The following CERT1 variants were observed in gnomAD, a reference collection of about 807,000 sequenced individuals.
CERT1 encodes the protein ceramide transporter 1.
Under a neutral mutation model 87.9 loss-of-function variants are expected in CERT1, and 31 were observed. That is an observed-to-expected ratio of 0.35 (90% CI 0.27 to 0.48). The LOEUF (loss-of-function observed/expected upper bound fraction) is 0.48, where lower values mean the gene tolerates loss of function less well. Ranked by LOEUF, CERT1 falls within the 20% of genes least tolerant of loss-of-function variation. The pLI is 0.99. For missense variants in CERT1, 487 were observed against 758.0 expected (o/e 0.64, Z 4.20); for synonymous variants, 289 against 250.9 (o/e 1.15, Z -1.44).
intron 3 of CERT1, among the ~76,000 whole-genome samples, chr5:75,451,008 T>G (rs1764747603): frequency 6.6e-6 from 1 of 152,192 alleles, no homozygotes; most frequent in African/African-American, 2.4e-5. Context: ...TTTCAAATAC[T>G]GCAGGCAGGA....
At chr5:75,371,964 G>A (rs1761099504) in intron 17 of CERT1, 1 of 152,126 alleles carries the variant, frequency 6.6e-6, no homozygotes, top group Non-Finnish European at 1.5e-5. Flanking sequence ...CAATCTGATT[G>A]GGTGGGATTA....
chr5:75,438,102 G>A (rs1764170693), intron 3 of CERT1, among the ~76,000 whole-genome samples: 1 of 151,998 alleles, frequency 6.6e-6, no homozygotes, highest in African/African-American at 2.4e-5. Flanking sequence ...AAAAATTAAA[G>A]AAAAGACTCA....
chr5:75,450,790 C>G (rs1580788722), intron 3 of CERT1, among the ~76,000 whole-genome samples: 1 of 152,192 alleles, frequency 6.6e-6, no homozygotes, highest in East Asian at 1.9e-4. Flanking sequence ...ACCTTGTAAG[C>G]TTCCCACCCC....
intron 2 of CERT1, among the ~76,000 whole-genome samples, chr5:75,500,530 C>T (rs1340328237): frequency 1.3e-5 from 2 of 152,128 alleles, no homozygotes; most frequent in Non-Finnish European, 1.5e-5. Context: ...TAATGAACTG[C>T]TAAACAGATA....
At chr5:75,489,527 C>T (rs931638759) in intron 2 of CERT1, among the ~76,000 whole-genome samples, 5 of 151,974 alleles carry the variant, frequency 3.3e-5, no homozygotes, top group Non-Finnish European at 7.4e-5. Flanking sequence ...GCAGAATCTA[C>T]AAGGAACTTA....
In CERT1 at chr5:75,495,952, T is replaced by TA. The variant is rs552224685; in HGVS notation, c.231+10029dup. ...ATTAGCTGAAAAAAAAATAAATAAA[T>TA]AAAAAAAAGAACTTAGAGCAAAGTC... is the stretch of plus-strand genomic sequence containing the variant. On this transcript the variant is annotated intron_variant, in intron 2 of 16. Coordinates refer to ENST00000643780, the MANE Select transcript of CERT1 (RefSeq NM_001379029.1). 1.1e-4 allele frequency among the ~76,000 whole-genome samples: 17 copies of TA among 150,438 alleles called. No homozygotes were observed. The South Asian group carries it at 3.0e-3, about 26-fold the overall frequency.
intron 14 of CERT1, among the ~76,000 whole-genome samples, chr5:75,382,854 T>C (rs1761643386): frequency 6.6e-6 from 1 of 152,020 alleles, no homozygotes; most frequent in Non-Finnish European, 1.5e-5. Context: ...AAATATAGTG[T>C]TGGGTAAATT....
intron 15 of CERT1, among the ~76,000 whole-genome samples, chr5:75,381,551 T>G (rs1482685153): frequency 6.6e-6 from 1 of 152,012 alleles, no homozygotes. Context: ...TTTTTTTTAA[T>G]AGAGATGGGG....
At chr5:75,397,904 A>G (rs1762320788) in intron 11 of CERT1, among the ~76,000 whole-genome samples, 1 of 152,186 alleles carries the variant, frequency 6.6e-6, no homozygotes, top group African/African-American at 2.4e-5. Context: ...CTGTAATCCC[A>G]GCTACTTGGG....
chr5:75,511,679 C>A (rs1329328764), upstream of CERT1: 71 of 1,530,740 alleles, frequency 4.6e-5, no homozygotes, highest in South Asian at 8.8e-4. Flanking sequence ...CCCATTCTCC[C>A]CCACTACTCC....
At chr5:75,385,856 T>C (rs1259663118) in intron 13 of CERT1, 46 bp downstream of exon 13, 8 of 1,335,520 alleles carry the variant, frequency 6.0e-6, no homozygotes, top group Non-Finnish European at 7.8e-6. Flanking sequence ...GATTTGATAT[T>C]AAATTCAAAA....
intron 2 of CERT1, among the ~76,000 whole-genome samples, chr5:75,481,054 A>T (rs536692341): frequency 2.0e-5 from 3 of 152,214 alleles, no homozygotes; most frequent in Admixed American, 2.0e-4. Context: ...ACCTCCAGCA[A>T]CTTCCCATCT....
At chr5:75,489,444 A>G (rs544029551) in intron 2 of CERT1, among the ~76,000 whole-genome samples, 24 of 152,346 alleles carry the variant, frequency 1.6e-4, no homozygotes, top group Non-Finnish European at 3.1e-4. Context: ...AGAAACTATC[A>G]TCAGAGTGAA....
At chr5:75,415,403 T>G (rs905774665) in intron 7 of CERT1, among the ~76,000 whole-genome samples, 7 of 152,176 alleles carry the variant, frequency 4.6e-5, no homozygotes, top group African/African-American at 1.7e-4. Flanking sequence ...AAAAGTGGTT[T>G]TTTTCCCGCA....
At chr5:75,436,390 T>C (rs79985604) in intron 3 of CERT1, among the ~76,000 whole-genome samples, 3,958 of 152,272 alleles carry the variant, frequency 0.026, 146 homozygotes, top group African/African-American at 0.085. Flanking sequence ...AGAGCAAAGG[T>C]ATCATGTTAG....
intron 2 of CERT1, among the ~76,000 whole-genome samples, chr5:75,475,264 C>T (rs1011479147): frequency 6.6e-6 from 1 of 152,064 alleles, no homozygotes; most frequent in Non-Finnish European, 1.5e-5. Context: ...GGTAAATGTG[C>T]TCCTTGTAAG....
At position 75,511,603 on chromosome 5, in the gene CERT1, G is replaced by A; in HGVS notation, c.-396C>T. ...GTCCACTCACACCTCCGCTACCGCC[G>A]CCATCTTCCTGCCTGGCCCACTATT... On this transcript the variant is annotated 5_prime_UTR_variant, in exon 1 of 17. Coordinates refer to ENST00000643780, the MANE Select transcript of CERT1 (RefSeq NM_001379029.1). The A allele has an allele frequency of 2.7e-6, 4 of 1,466,888 alleles. No homozygotes were observed. In the South Asian group the frequency reaches 4.1e-5, roughly 15 times the overall value. The allele number at this position is 1,466,888 out of a possible 1,614,324, so 90.9% of individuals were successfully genotyped here. A position where few individuals can be genotyped will look rare whatever the true frequency, so the allele number is the denominator to read the frequency against.
At chr5:75,476,720 C>T (rs998302967) in intron 2 of CERT1, among the ~76,000 whole-genome samples, 1 of 152,182 alleles carries the variant, frequency 6.6e-6, no homozygotes, top group Non-Finnish European at 1.5e-5. Context: ...ACCATCAGAA[C>T]TGGATAGTAA....
In CERT1 at chr5:75,426,841, G is replaced by A. The variant is rs1223255693; in HGVS notation, c.349-363C>T. Among the ~76,000 whole-genome samples the A allele has an allele frequency of 6.6e-5, 10 of 152,198 alleles. No homozygotes were observed. The East Asian group carries it at 9.6e-4, about 15-fold the overall frequency. On this transcript the variant is annotated intron_variant, in intron 3 of 16. Transcript: ENST00000643780. ...AGTTTCAGCTGGGGAAGATAAAAAA[G>A]CTCTGAAGATGGATGATGGTGACGG...
Sources: allele counts gnomAD v4.1 joint callset (sites outside exome capture counted in the v4.1 genomes callset), GRCh38; gene constraint gnomAD v4.1.1; transcripts MANE v1.5; gene names NCBI Gene and HGNC (gene_info 2026-07-23, HGNC 2026-07-21).